REDIC1: variants seen among roughly 807,000 people sequenced by gnomAD.
REDIC1 encodes regulator of DNA class I crossover intermediates 1.
the REDIC1 span, among the ~76,000 whole-genome samples, chr12:39,706,963 A>G: frequency 6.6e-4 from 100 of 152,120 alleles, 1 homozygote; most frequent in African/African-American, 2.2e-3. Context: ...TTCTTGAGTA[A>G]TAACAAGCAT....
At chr12:39,666,778 T>C in the REDIC1 span, among the ~76,000 whole-genome samples, 1 of 152,206 alleles carries the variant, frequency 6.6e-6, no homozygotes, top group Non-Finnish European at 1.5e-5. Flanking sequence ...TTCAACTTCT[T>C]CCTGGTTTAG....
At chr12:39,751,189 G>C in the REDIC1 span, among the ~76,000 whole-genome samples, 112,992 of 152,120 alleles carry the variant, frequency 0.74, 43,232 homozygotes, top group Non-Finnish European at 0.84. Context: ...TATCCAGAAT[G>C]TACAATGAAC....
the REDIC1 span, among the ~76,000 whole-genome samples, chr12:39,719,764 T>C: frequency 6.6e-6 from 1 of 152,180 alleles, no homozygotes; most frequent in African/African-American, 2.4e-5. Context: ...TTTTTATTGA[T>C]GTATAATATT....
the REDIC1 span, among the ~76,000 whole-genome samples, chr12:39,828,848 A>G: frequency 6.6e-6 from 1 of 152,160 alleles, no homozygotes; most frequent in Non-Finnish European, 1.5e-5. Flanking sequence ...TATTTTTAAA[A>G]GAAACTCTTT....
the REDIC1 span, among the ~76,000 whole-genome samples, chr12:39,667,714 G>A: frequency 6.6e-6 from 1 of 152,132 alleles, no homozygotes; most frequent in Non-Finnish European, 1.5e-5. Context: ...TCTCTTTCTA[G>A]GTCTCTAATG....
the REDIC1 span, among the ~76,000 whole-genome samples, chr12:39,696,118 C>T: frequency 2.9e-3 from 444 of 152,154 alleles, 4 homozygotes; most frequent in Middle Eastern, 6.8e-3. Flanking sequence ...GGAAAGCATT[C>T]CCAAGATGGA....
At chr12:39,808,510 A>G in the REDIC1 span, among the ~76,000 whole-genome samples, 2 of 152,144 alleles carry the variant, frequency 1.3e-5, no homozygotes, top group Non-Finnish European at 2.9e-5. Context: ...TAACTTCAGA[A>G]GAAACCTCCA....
chr12:39,720,820 A>G, the REDIC1 span: 1 of 1,612,010 alleles, frequency 6.2e-7, no homozygotes, highest in Non-Finnish European at 8.5e-7. Context: ...ATCACAGCAA[A>G]TTGAAGATTC....
the REDIC1 span, among the ~76,000 whole-genome samples, chr12:39,731,076 G>A: frequency 6.6e-6 from 1 of 152,112 alleles, no homozygotes; most frequent in African/African-American, 2.4e-5. Flanking sequence ...AAGGTTCTTA[G>A]CTTCCTTGCA....
the REDIC1 span, among the ~76,000 whole-genome samples, chr12:39,884,135 A>T: frequency 1.3e-4 from 20 of 152,294 alleles, no homozygotes; most frequent in African/African-American, 4.6e-4. Context: ...CTGTATTTTT[A>T]GTGTATGTAT....
chr12:39,729,243 G>C, the REDIC1 span, among the ~76,000 whole-genome samples: 2,343 of 152,030 alleles, frequency 0.015, 55 homozygotes, highest in African/African-American at 0.051. Flanking sequence ...TCTTTTAATT[G>C]GGATGTTAAG....
the REDIC1 span, among the ~76,000 whole-genome samples, chr12:39,711,771 G>GCACATGCATATGTGTGTGTA: frequency 9.5e-6 from 1 of 104,734 alleles, no homozygotes; most frequent in East Asian, 3.4e-4. Context: ...ATGTGTGTGT[G>GCACATGCATATGTGTGTGTA]CACATGCATG....
chr12:39,899,003 G>A, the REDIC1 span, among the ~76,000 whole-genome samples: 1 of 152,134 alleles, frequency 6.6e-6, no homozygotes, highest in Non-Finnish European at 1.5e-5. Flanking sequence ...CATAAAATGA[G>A]TTAGGGAGGA....
chr12:39,644,537 A>C, the REDIC1 span, among the ~76,000 whole-genome samples: 1 of 151,932 alleles, frequency 6.6e-6, no homozygotes. Flanking sequence ...GCATAAAAAT[A>C]AGACAATTTA....
chr12:39,766,979 A>G, the REDIC1 span, among the ~76,000 whole-genome samples: 1 of 152,058 alleles, frequency 6.6e-6, no homozygotes, highest in African/African-American at 2.4e-5. Context: ...CAAACTTCCA[A>G]ACTGTTCATT....
At chr12:39,757,282 T>C in the REDIC1 span, 1 of 151,866 alleles carries the variant, frequency 6.6e-6, no homozygotes, top group African/African-American at 2.4e-5. Flanking sequence ...GTTGAAAGCA[T>C]GATACGTAAT....
the REDIC1 span, among the ~76,000 whole-genome samples, chr12:39,744,905 A>T: frequency 6.6e-6 from 1 of 152,154 alleles, no homozygotes; most frequent in Non-Finnish European, 1.5e-5. Flanking sequence ...GTCAGAGTGG[A>T]TCAAAAAACA....
the REDIC1 span, chr12:39,758,326 C>T: frequency 6.6e-6 from 1 of 151,846 alleles, no homozygotes; most frequent in Non-Finnish European, 1.5e-5. Flanking sequence ...GTATTCTCAG[C>T]TTGATAACTG....
At chr12:39,640,990 A>G in the REDIC1 span, 1 of 1,609,842 alleles carries the variant, frequency 6.2e-7, no homozygotes, top group Non-Finnish European at 8.5e-7. Flanking sequence ...AGAAGAAAGC[A>G]AAAGGTAAAG....
Sources: gnomAD v4.1 joint callset for allele counts (sites outside exome capture counted in the v4.1 genomes callset) on GRCh38, gnomAD v4.1.1 for gene constraint, MANE v1.5 for transcripts, NCBI Gene and HGNC (gene_info 2026-07-23, HGNC 2026-07-21) for gene names.